SCAI: variants seen among roughly 807,000 people sequenced by gnomAD.
SCAI encodes the protein suppressor of cancer cell invasion, also known as protein SCAI.
In SCAI, 24 loss-of-function variants were observed where a neutral mutation model predicts 92.2. The ratio of observed to expected loss-of-function variants is 0.26; its 90% CI spans 0.19 to 0.37. SCAI has a LOEUF of 0.37. SCAI is among the 10% of genes least tolerant of loss of function. The pLI, the probability that SCAI is intolerant of heterozygous loss-of-function variation, is 1.00. For missense variants in SCAI, 450 were observed against 736.2 expected (o/e 0.61, Z 4.50); for synonymous variants, 261 against 258.6 (o/e 1.01, Z -0.09).
intron 2 of SCAI, among the ~76,000 whole-genome samples, chr9:125,137,921 C>T (rs1447318813): frequency 6.6e-6 from 1 of 152,094 alleles, no homozygotes; most frequent in African/African-American, 2.4e-5. Flanking sequence ...TCTTTAAAAA[C>T]TCACGTTTGA....
chr9:125,100,746 A>T (rs1485341121), intron 2 of SCAI, among the ~76,000 whole-genome samples: 3 of 152,190 alleles, frequency 2.0e-5, no homozygotes, highest in African/African-American at 7.2e-5. Flanking sequence ...CTGCAATTGG[A>T]AACAGGCTGA....
At position 124,945,211 on chromosome 9, in the gene SCAI, AAGTATGTTT is replaced by A. The variant is rs1370644782; in HGVS notation, c.*7587_*7595del. 6.6e-6 allele frequency: 1 copy of A among 152,130 alleles called. No individual in the cohort carries two copies. Among genetic ancestry groups the A allele is most frequent in the Admixed American group, 6.5e-5 (1 of 15,270 alleles). The allele number at this position is 152,130 out of a possible 1,614,324, so 9.4% of individuals were successfully genotyped here. A position where few individuals can be genotyped will look rare whatever the true frequency, so the allele number is the denominator to read the frequency against. ...ATTAAAAAAACTGAGTCTATTGTCC[AAGTATGTTT>A]AAACATGGCACTGGTTAAAGTAGTC... On this transcript the variant is annotated 3_prime_UTR_variant, in exon 18 of 18. Coordinates refer to ENST00000336505, the MANE Select transcript of SCAI (RefSeq NM_001144877.3).
At chr9:125,040,651 G>A (rs908955368) in intron 3 of SCAI, among the ~76,000 whole-genome samples, 3 of 151,986 alleles carry the variant, frequency 2.0e-5, no homozygotes, top group African/African-American at 7.2e-5. Flanking sequence ...TTTAGAGACA[G>A]AGTCTCACTC....
chr9:125,013,442 A>G (rs1258009292), intron 9 of SCAI, among the ~76,000 whole-genome samples: 2 of 141,872 alleles, frequency 1.4e-5, no homozygotes, highest in African/African-American at 2.6e-5. Context: ...GAAATGGATA[A>G]ATTCCTCAAC....
At chr9:125,071,034 G>A (rs1000634475) in intron 2 of SCAI, among the ~76,000 whole-genome samples, 17 of 152,058 alleles carry the variant, frequency 1.1e-4, no homozygotes, top group Non-Finnish European at 2.1e-4. Context: ...AACCCCTTTC[G>A]CTTGGTTCTC....
intron 2 of SCAI, among the ~76,000 whole-genome samples, chr9:125,078,274 C>T (rs866093178): frequency 2.0e-5 from 3 of 152,122 alleles, no homozygotes; most frequent in Non-Finnish European, 2.9e-5. Context: ...CATCTGTAAT[C>T]CCAGCACTTT....
intron 3 of SCAI, among the ~76,000 whole-genome samples, chr9:125,046,343 GTGTGTGTGTGTATATATATA>G (rs1833442795): frequency 9.4e-6 from 1 of 106,418 alleles, no homozygotes; most frequent in African/African-American, 3.6e-5. Flanking sequence ...ATATATATAT[GTGTGTGTGTGTATATATATA>G]TGAGATAGGC....
In SCAI at chr9:124,950,280, G is replaced by A. The variant is rs1438650880; in HGVS notation, c.*2527C>T. On this transcript the variant is annotated 3_prime_UTR_variant, in exon 18 of 18. Transcript: ENST00000336505. ...AGTCCAAATTACAGAATCAGAGTTG[G>A]AGAAGACCTGGGCCAACCTCTTCAT... is the stretch of plus-strand genomic sequence containing the variant. 1.3e-5 allele frequency: 2 copies of A among 152,068 alleles called. No homozygotes were observed. Among genetic ancestry groups the A allele is most frequent in the African/African-American group, 4.8e-5 (2 of 41,404 alleles). The allele number at this position is 152,068 out of a possible 1,614,324, so 9.4% of individuals were successfully genotyped here.
At chr9:125,066,637 A>G (rs11791106) in intron 2 of SCAI, among the ~76,000 whole-genome samples, 4,496 of 151,932 alleles carry the variant, frequency 0.03, 100 homozygotes, top group Non-Finnish European at 0.048. Context: ...TTGTATTTTT[A>G]GTAGATACGG....
At chr9:125,026,681 A>C in intron 6 of SCAI, 131 bp downstream of exon 6, 1 of 531,252 alleles carries the variant, frequency 1.9e-6, no homozygotes, top group Non-Finnish European at 3.3e-6. Context: ...GGTCTATTAC[A>C]TAGCAGGCAC....
At chr9:124,953,065 A>G in intron 17 of SCAI, 112 bp from the exon 18 acceptor site, 1 of 826,538 alleles carries the variant, frequency 1.2e-6, no homozygotes, top group South Asian at 1.6e-5. Context: ...TACTGGAATG[A>G]TTCTTATTAA....
At chr9:125,052,730 TATAAA>T in intron 3 of SCAI, among the ~76,000 whole-genome samples, 1 of 152,192 alleles carries the variant, frequency 6.6e-6, no homozygotes, top group East Asian at 1.9e-4. Flanking sequence ...TATAAACAAT[TATAAA>T]TTAATAATTT....
intron 15 of SCAI, among the ~76,000 whole-genome samples, chr9:124,974,712 C>T (rs542609220): frequency 5.3e-5 from 8 of 152,010 alleles, no homozygotes; most frequent in Admixed American, 1.3e-4. Flanking sequence ...GATAGGAAAC[C>T]GGATAAAATG....
intron 3 of SCAI, among the ~76,000 whole-genome samples, chr9:125,040,711 C>G (rs1243431387): frequency 6.6e-6 from 1 of 152,130 alleles, no homozygotes; most frequent in Non-Finnish European, 1.5e-5. Context: ...ACCGCAACCT[C>G]TGCCTCCTGG....
intron 2 of SCAI, among the ~76,000 whole-genome samples, chr9:125,124,502 A>C (rs1348526549): frequency 6.6e-6 from 1 of 152,204 alleles, no homozygotes; most frequent in Non-Finnish European, 1.5e-5. Context: ...TTTTGGTTCA[A>C]GTCCAAAGGC....
At chr9:125,028,807 T>C (rs77409833) in intron 4 of SCAI, among the ~76,000 whole-genome samples, 2 of 152,156 alleles carry the variant, frequency 1.3e-5, no homozygotes, top group African/African-American at 2.4e-5. Context: ...CTCTTTTTTT[T>C]CCTTTTTTGA....
intron 14 of SCAI, among the ~76,000 whole-genome samples, chr9:124,991,616 A>T (rs1832125126): frequency 6.6e-6 from 1 of 151,892 alleles, no homozygotes; most frequent in African/African-American, 2.4e-5. Context: ...AGGTGGGCGG[A>T]TCACGAGGTC....
rs34786493 is a variant in SCAI at position 125,084,158 on chromosome 9, C to CTTT, written c.99-28154_99-28152dup. ...ATATGAACAGGACTCTTGGCTGCTGCTTTTTTTTTTTTTTTTTTTTTTTTT... is the reference window on the plus strand; with the variant it reads ...ATATGAACAGGACTCTTGGCTGCTGCTTTTTTTTTTTTTTTTTTTTTTTTTTTT... On this transcript the variant is annotated intron_variant, in intron 2 of 17. Transcript: ENST00000336505. 3.1e-3 allele frequency among the ~76,000 whole-genome samples: 204 copies of CTTT among 65,136 alleles called. 17 individuals are homozygous for CTTT. Among genetic ancestry groups the CTTT allele is most frequent in the East Asian group, 7.4e-3 (13 of 1,754 alleles). The allele number at this position is 65,136 out of a possible 152,430, so 42.7% of individuals were successfully genotyped here.
chr9:125,079,151 G>T (rs1834155448), intron 2 of SCAI, among the ~76,000 whole-genome samples: 1 of 151,590 alleles, frequency 6.6e-6, no homozygotes, highest in African/African-American at 2.4e-5. Flanking sequence ...TATATAATAA[G>T]CTTTTCTTGC....
Sources: gnomAD v4.1 joint callset for allele counts (sites outside exome capture counted in the v4.1 genomes callset) on GRCh38, gnomAD v4.1.1 for gene constraint, MANE v1.5 for transcripts, NCBI Gene and HGNC (gene_info 2026-07-23, HGNC 2026-07-21) for gene names.